Variants in BMPR1B observed in about 807,000 individuals in gnomAD.
BMPR1B encodes bone morphogenetic protein receptor type-1B.
BMPR1B carries 12 observed loss-of-function variants against 59.1 expected under a neutral mutation model. That is an observed-to-expected ratio of 0.20 (90% confidence interval 0.13 to 0.33). The LOEUF (loss-of-function observed/expected upper bound fraction) is 0.33. Among genes scored for constraint, BMPR1B ranks in the 10% least tolerant of loss-of-function variants. The pLI, the probability that BMPR1B is intolerant of heterozygous loss-of-function variation, is 1.00. For synonymous variants in BMPR1B, 237 were observed against 207.3 expected (o/e 1.14, Z -1.23); for missense variants, 550 against 610.9 (o/e 0.90, Z 1.05).
At chr4:94,972,070 A>G (rs1730811973) in intron 2 of BMPR1B, among the ~76,000 whole-genome samples, 1 of 151,666 alleles carries the variant, frequency 6.6e-6, no homozygotes, top group African/African-American at 2.4e-5. Flanking sequence ...TAATAGTATC[A>G]TTGCAAATTA....
intron 3 of BMPR1B, among the ~76,000 whole-genome samples, chr4:95,058,486 A>G (rs1050758647): frequency 1.9e-4 from 29 of 152,238 alleles, no homozygotes; most frequent in Middle Eastern, 3.4e-3. Context: ...AAAAAAATCA[A>G]TTGTGTCACT....
intron 1 of BMPR1B, among the ~76,000 whole-genome samples, chr4:94,787,335 C>T (rs1461294027): frequency 6.6e-6 from 1 of 152,172 alleles, no homozygotes; most frequent in Non-Finnish European, 1.5e-5. Flanking sequence ...TGAAACATGG[C>T]ACCTTGGCTT....
intron 2 of BMPR1B, among the ~76,000 whole-genome samples, chr4:94,992,903 G>T (rs723169): frequency 0.51 from 77,993 of 151,692 alleles, 20,725 homozygotes; most frequent in South Asian, 0.65. Flanking sequence ...CCCCTAAAGA[G>T]ATGGGGTCTT....
At chr4:94,776,798 A>G (rs1722386296) in intron 1 of BMPR1B, among the ~76,000 whole-genome samples, 1 of 152,220 alleles carries the variant, frequency 6.6e-6, no homozygotes, top group African/African-American at 2.4e-5. Context: ...TTCAATGGAA[A>G]CATTATAAAA....
chr4:94,759,475 TG>T (rs1454361950), intron 1 of BMPR1B, among the ~76,000 whole-genome samples: 3 of 152,240 alleles, frequency 2.0e-5, no homozygotes, highest in Non-Finnish European at 2.9e-5. Flanking sequence ...TGTGCTAAAT[TG>T]ATGCCAACGA....
intron 1 of BMPR1B, among the ~76,000 whole-genome samples, chr4:94,808,631 C>T (rs1247975512): frequency 6.6e-6 from 1 of 152,156 alleles, no homozygotes; most frequent in Non-Finnish European, 1.5e-5. Context: ...TCCAGATATG[C>T]ACTTTCAAAA....
chr4:94,976,681 A>C (rs1731046258), intron 2 of BMPR1B, among the ~76,000 whole-genome samples: 1 of 152,238 alleles, frequency 6.6e-6, no homozygotes, highest in Non-Finnish European at 1.5e-5. Flanking sequence ...TGAACTAAAA[A>C]GATAAGTCAT....
At chr4:94,907,987 C>T (rs1290718042) in intron 2 of BMPR1B, among the ~76,000 whole-genome samples, 1 of 134,448 alleles carries the variant, frequency 7.4e-6, no homozygotes, top group Non-Finnish European at 1.5e-5. Context: ...AAGTTTGAGG[C>T]TGTAGTGTGC....
At chr4:95,031,294 A>T (rs531317539) in intron 3 of BMPR1B, among the ~76,000 whole-genome samples, 24 of 152,152 alleles carry the variant, frequency 1.6e-4, no homozygotes, top group Non-Finnish European at 3.2e-4. Context: ...GAGAGCTGAG[A>T]GAGAATATGG....
At chr4:94,890,694 C>T (rs952812920) in intron 2 of BMPR1B, among the ~76,000 whole-genome samples, 1 of 152,032 alleles carries the variant, frequency 6.6e-6, no homozygotes, top group Non-Finnish European at 1.5e-5. Flanking sequence ...GTCTCTCTTT[C>T]TAGCTTACAG....
chr4:95,125,234 C>A, intron 8 of BMPR1B, 113 bp downstream of exon 8: 1 of 1,366,092 alleles, frequency 7.3e-7, no homozygotes, highest in Non-Finnish European at 1.0e-6. Context: ...AAGCTCTATG[C>A]AGTCTGTTGG....
intron 2 of BMPR1B, among the ~76,000 whole-genome samples, chr4:94,902,088 G>GTGTGTGTGTGTGTGTGTGTGTGTGT (rs201783533): frequency 8.3e-6 from 1 of 119,810 alleles, no homozygotes; most frequent in African/African-American, 3.5e-5. Flanking sequence ...TGTGTGTGTG[G>GTGTGTGTGTGTGTGTGTGTGTGTGT]GGTGTATTTA....
intron 3 of BMPR1B, among the ~76,000 whole-genome samples, chr4:95,066,924 T>A (rs1247201503): frequency 6.6e-6 from 1 of 152,132 alleles, no homozygotes; most frequent in African/African-American, 2.4e-5. Flanking sequence ...GTGAGCACAG[T>A]TTTGGAACGA....
chr4:94,864,568 G>A (rs1453741279), intron 1 of BMPR1B, among the ~76,000 whole-genome samples: 2 of 152,066 alleles, frequency 1.3e-5, no homozygotes, highest in Non-Finnish European at 2.9e-5. Flanking sequence ...CTTTTGATAA[G>A]GGCCAAGTAC....
chr4:94,831,434 A>C (rs1005291574), intron 1 of BMPR1B, among the ~76,000 whole-genome samples: 2 of 152,314 alleles, frequency 1.3e-5, no homozygotes, highest in Admixed American at 6.5e-5. Context: ...AACATAGATT[A>C]GTTAAACCTA....
chr4:95,073,615 A>T (rs1000381197), intron 3 of BMPR1B, among the ~76,000 whole-genome samples: 1 of 152,158 alleles, frequency 6.6e-6, no homozygotes, highest in Admixed American at 6.6e-5. Context: ...ACCAACAGAG[A>T]TGATACTCTG....
At chr4:95,025,833 G>A (rs1724316072) in intron 3 of BMPR1B, among the ~76,000 whole-genome samples, 1 of 152,094 alleles carries the variant, frequency 6.6e-6, no homozygotes, top group Non-Finnish European at 1.5e-5. Context: ...GTTTACTGTA[G>A]GATAGTTTAT....
chr4:94,977,788 C>T (rs1162159635), intron 2 of BMPR1B, among the ~76,000 whole-genome samples: 2 of 152,036 alleles, frequency 1.3e-5, no homozygotes, highest in Non-Finnish European at 2.9e-5. Flanking sequence ...ACCCAGGTGG[C>T]GGAGGTTGTG....
At chr4:95,059,062 T>C (rs1185514013) in intron 3 of BMPR1B, among the ~76,000 whole-genome samples, 2 of 152,220 alleles carry the variant, frequency 1.3e-5, no homozygotes, top group Non-Finnish European at 2.9e-5. Context: ...AAATAATGGC[T>C]GATTTGAGTG....
Sources: gnomAD v4.1 joint callset for allele counts (sites outside exome capture counted in the v4.1 genomes callset) on GRCh38, gnomAD v4.1.1 for gene constraint, MANE v1.5 for transcripts, NCBI Gene and HGNC (gene_info 2026-07-23, HGNC 2026-07-21) for gene names.